RORA: variants seen among roughly 807,000 people sequenced by gnomAD.
RORA encodes nuclear receptor ROR-alpha.
RORA carries 7 observed loss-of-function variants against 69.5 expected under a neutral mutation model. That is an observed-to-expected ratio of 0.10 (90% CI 0.06 to 0.19). The LOEUF (loss-of-function observed/expected upper bound fraction) is 0.19, where lower values mean the gene tolerates loss of function less well. Ranked by LOEUF, RORA falls within the 10% of genes least tolerant of loss-of-function variation. The probability of loss-of-function intolerance (pLI) is 1.00; values close to 1 mark genes in which losing one functional copy is unlikely to be tolerated. For synonymous variants in RORA, 261 were observed against 240.8 expected (o/e 1.08, Z -0.78); for missense variants, 457 against 663.0 (o/e 0.69, Z 3.41).
intron 1 of RORA, chr15:60,736,798 C>T (rs1268824560): frequency 2.0e-5 from 3 of 152,092 alleles, no homozygotes; most frequent in East Asian, 1.9e-4. Flanking sequence ...TGAAGGTGCC[C>T]GATCTTGTCT....
chr15:60,842,814 G>A (rs892686427), intron 1 of RORA, among the ~76,000 whole-genome samples: 1 of 151,982 alleles, frequency 6.6e-6, no homozygotes, highest in Non-Finnish European at 1.5e-5. Flanking sequence ...AAAGTTCTCA[G>A]CCTTCAAAGT....
chr15:60,906,908 A>T (rs1891559636), intron 1 of RORA, among the ~76,000 whole-genome samples: 1 of 152,192 alleles, frequency 6.6e-6, no homozygotes, highest in South Asian at 2.1e-4. Flanking sequence ...ATAGTTTGTC[A>T]ATTAATCCTC....
At chr15:60,721,530 T>C (rs1478607848) in intron 1 of RORA, among the ~76,000 whole-genome samples, 1 of 152,274 alleles carries the variant, frequency 6.6e-6, no homozygotes, top group Non-Finnish European at 1.5e-5. Context: ...AGTACTGCTA[T>C]GTGGAATTCA....
intron 1 of RORA, among the ~76,000 whole-genome samples, chr15:60,867,434 G>A (rs766385770): frequency 7.9e-5 from 12 of 152,270 alleles, no homozygotes; most frequent in East Asian, 1.9e-4. Context: ...CACCCAGTTC[G>A]TGTGTGCCAC....
intron 1 of RORA, among the ~76,000 whole-genome samples, chr15:61,055,422 T>C (rs2078082146): frequency 6.6e-6 from 1 of 152,064 alleles, no homozygotes; most frequent in Non-Finnish European, 1.5e-5. Context: ...GTTTACAGAG[T>C]GCCTTAAGCT....
intron 1 of RORA, among the ~76,000 whole-genome samples, chr15:61,158,173 A>C (rs1379763518): frequency 6.6e-6 from 1 of 152,200 alleles, no homozygotes; most frequent in Non-Finnish European, 1.5e-5. Flanking sequence ...GTGTGGGATG[A>C]GCAATTCCAT....
intron 1 of RORA, among the ~76,000 whole-genome samples, chr15:60,761,361 A>C (rs1202321048): frequency 1.1e-4 from 17 of 152,158 alleles, no homozygotes; most frequent in Non-Finnish European, 2.5e-4. Flanking sequence ...AACGCAATGA[A>C]TCATTCTTTG....
intron 1 of RORA, among the ~76,000 whole-genome samples, chr15:60,818,962 A>C (rs183632494): frequency 2.6e-5 from 4 of 152,340 alleles, no homozygotes; most frequent in Non-Finnish European, 4.4e-5. Flanking sequence ...ATGTTGAAGA[A>C]CAAACTCTAC....
At chr15:60,633,459 A>C (rs1043841483) in intron 2 of RORA, among the ~76,000 whole-genome samples, 41 of 152,334 alleles carry the variant, frequency 2.7e-4, no homozygotes, top group African/African-American at 9.9e-4. Flanking sequence ...TCAATCTCTG[A>C]ACTTTTCTTC....
At chr15:60,639,734 A>G (rs569358290) in intron 2 of RORA, among the ~76,000 whole-genome samples, 1 of 152,322 alleles carries the variant, frequency 6.6e-6, no homozygotes, top group East Asian at 1.9e-4. Flanking sequence ...TCATAGTTAA[A>G]GTGCATAGAG....
chr15:61,112,780 G>T (rs914746571), intron 1 of RORA, among the ~76,000 whole-genome samples: 1 of 152,202 alleles, frequency 6.6e-6, no homozygotes, highest in African/African-American at 2.4e-5. Context: ...AATAGGAGGT[G>T]AGAGTGCCCC....
intron 2 of RORA, among the ~76,000 whole-genome samples, chr15:60,670,356 C>A (rs2070448080): frequency 6.6e-6 from 1 of 151,968 alleles, no homozygotes; most frequent in Admixed American, 6.6e-5. Flanking sequence ...ATTACAGGTG[C>A]ACAGTACCAC....
At position 60,572,726 on chromosome 15, in the gene RORA, T is replaced by C. The variant is rs558133679; in HGVS notation, c.197-40875A>G. ...ATGAGAGCTGAGTGAGTTAAGCCAC[T>C]GGTCCTGTGGCAAGGAAGTCAGATC... On this transcript the variant is annotated intron_variant, in intron 2 of 10. Transcript: ENST00000335670. Among the ~76,000 whole-genome samples the C allele has an allele frequency of 2.0e-4, 30 of 152,334 alleles. No homozygotes were observed. In the East Asian group the frequency reaches 5.8e-3, roughly 29 times the overall value.
chr15:60,944,953 G>A (rs972812931), intron 1 of RORA, among the ~76,000 whole-genome samples: 4 of 152,108 alleles, frequency 2.6e-5, no homozygotes, highest in Non-Finnish European at 5.9e-5. Context: ...TTTCCATAGG[G>A]TCCACAGCTC....
intron 1 of RORA, among the ~76,000 whole-genome samples, chr15:61,016,486 A>T (rs183098095): frequency 3.5e-4 from 53 of 152,252 alleles, no homozygotes; most frequent in African/African-American, 1.2e-3. Flanking sequence ...CAAGATTTGT[A>T]CTCTGTGCAT....
At chr15:61,099,056 C>T (rs1284243990) in intron 1 of RORA, among the ~76,000 whole-genome samples, 1 of 152,130 alleles carries the variant, frequency 6.6e-6, no homozygotes, top group Non-Finnish European at 1.5e-5. Context: ...AGAAATGGGG[C>T]CAATCTTTAC....
rs1224998842 is a variant in RORA, at chr15:60,490,238, G to A, written c.*7217C>T. On this transcript the variant is annotated 3_prime_UTR_variant, in exon 11 of 11. Coordinates refer to ENST00000335670, the MANE Select transcript of RORA (RefSeq NM_134261.3). The surrounding 1 kb of genome is among the most constrained non-coding windows in gnomAD (Gnocchi z 4.1). ...CAAGACCCAAAGGTGGTATTGTCTAGGAATAAAAGGGATAATTTTTGTTGT... is the reference window on the plus strand; with the variant it reads ...CAAGACCCAAAGGTGGTATTGTCTAAGAATAAAAGGGATAATTTTTGTTGT... 1 of 151,506 alleles carries A rather than the reference G, an allele frequency of 6.6e-6. No individual in the cohort carries two copies. Among genetic ancestry groups the A allele is most frequent in the East Asian group, 1.9e-4 (1 of 5,178 alleles). The allele number at this position is 151,506 out of a possible 1,614,324, so 9.4% of individuals were successfully genotyped here. A position where few individuals can be genotyped will look rare whatever the true frequency, so the allele number is the denominator to read the frequency against.
At chr15:60,982,730 G>T (rs1338527427) in intron 1 of RORA, among the ~76,000 whole-genome samples, 2 of 152,174 alleles carry the variant, frequency 1.3e-5, no homozygotes, top group Non-Finnish European at 2.9e-5. Flanking sequence ...TTTTCATTAA[G>T]AATTGACTAA....
At chr15:60,847,559 A>G (rs530474988) in intron 1 of RORA, among the ~76,000 whole-genome samples, 6 of 152,128 alleles carry the variant, frequency 3.9e-5, no homozygotes, top group Non-Finnish European at 7.4e-5. Flanking sequence ...GTGCCTAGAC[A>G]TGTACTATCC....
Sources: allele counts gnomAD v4.1 joint callset (sites outside exome capture counted in the v4.1 genomes callset), GRCh38; gene constraint gnomAD v4.1.1; non-coding constraint Gnocchi (gnomAD v3.1); transcripts MANE v1.5; gene names NCBI Gene and HGNC (gene_info 2026-07-23, HGNC 2026-07-21).